GPC5: variants seen among roughly 807,000 people sequenced by gnomAD.
GPC5 encodes glypican-5.
In GPC5, 47 loss-of-function variants were observed where a neutral mutation model predicts 53.9. The observed-to-expected ratio is 0.87, with a 90% CI of 0.69 to 1.11. The LOEUF is 1.11. GPC5 is among the 50% of genes most tolerant of loss of function. The pLI is 0.00. For missense variants in GPC5, 748 were observed against 713.1 expected (o/e 1.05, Z -0.56); for synonymous variants, 286 against 263.3 (o/e 1.09, Z -0.84).
intron 2 of GPC5, among the ~76,000 whole-genome samples, chr13:91,483,572 G>C (rs897915309): frequency 8.5e-5 from 13 of 152,088 alleles, no homozygotes; most frequent in African/African-American, 3.1e-4. Flanking sequence ...CGTGATTTCT[G>C]CTGGGATTGG....
At chr13:91,817,118 G>A (rs2038412015) in intron 5 of GPC5, among the ~76,000 whole-genome samples, 1 of 152,142 alleles carries the variant, frequency 6.6e-6, no homozygotes, top group Admixed American at 6.5e-5. Flanking sequence ...AGGAATGCCA[G>A]TATCACATAC....
intron 6 of GPC5, among the ~76,000 whole-genome samples, chr13:92,017,524 A>G (rs1223882628): frequency 6.6e-6 from 1 of 152,196 alleles, no homozygotes; most frequent in African/African-American, 2.4e-5. Flanking sequence ...TGTTTTATAC[A>G]TAAAGTCCCC....
chr13:92,812,577 C>T (rs932010135), intron 7 of GPC5, among the ~76,000 whole-genome samples: 2 of 151,724 alleles, frequency 1.3e-5, no homozygotes, highest in East Asian at 1.9e-4. Flanking sequence ...ACTTTCATCA[C>T]GTTTATTCAA....
intron 7 of GPC5, among the ~76,000 whole-genome samples, chr13:92,621,213 A>T (rs907417900): frequency 3.3e-5 from 5 of 152,140 alleles, no homozygotes; most frequent in African/African-American, 1.2e-4. Context: ...TGGCTGAGGC[A>T]ACTGTCCAAA....
intron 7 of GPC5, among the ~76,000 whole-genome samples, chr13:92,494,151 G>A (rs1227446578): frequency 6.6e-6 from 1 of 151,600 alleles, no homozygotes; most frequent in South Asian, 2.1e-4. Flanking sequence ...GTGCAGTGGC[G>A]CGATCTCGGC....
At chr13:92,386,010 C>T (rs2139317238) in intron 7 of GPC5, among the ~76,000 whole-genome samples, 1 of 151,718 alleles carries the variant, frequency 6.6e-6, no homozygotes. Flanking sequence ...CATAGAATAT[C>T]CATTGATGGT....
chr13:92,292,192 T>A (rs950794300), intron 7 of GPC5, among the ~76,000 whole-genome samples: 2 of 152,230 alleles, frequency 1.3e-5, no homozygotes, highest in Admixed American at 6.5e-5. Context: ...TTCCTCTAAG[T>A]AGATACCCAG....
chr13:91,733,751 A>G (rs1382734698), intron 4 of GPC5, among the ~76,000 whole-genome samples: 3 of 152,166 alleles, frequency 2.0e-5, no homozygotes, highest in Admixed American at 6.5e-5. Context: ...GGTTTTCTAA[A>G]TATAGAATCA....
At chr13:92,600,207 C>T (rs1189653691) in intron 7 of GPC5, among the ~76,000 whole-genome samples, 1 of 152,134 alleles carries the variant, frequency 6.6e-6, no homozygotes. Flanking sequence ...TCCAACAGTA[C>T]AACCGTAGCA....
chr13:92,411,252 A>G (rs575501882), intron 7 of GPC5, among the ~76,000 whole-genome samples: 1 of 152,200 alleles, frequency 6.6e-6, no homozygotes, highest in Non-Finnish European at 1.5e-5. Flanking sequence ...CCTGGGTGAC[A>G]TAGCGAGACT....
intron 7 of GPC5, among the ~76,000 whole-genome samples, chr13:92,303,275 G>A (rs2043087729): frequency 6.6e-6 from 1 of 152,128 alleles, no homozygotes; most frequent in African/African-American, 2.4e-5. Context: ...AGTCTCCGTG[G>A]TGGTCTAAAG....
intron 7 of GPC5, among the ~76,000 whole-genome samples, chr13:92,635,990 C>T (rs1178629821): frequency 1.3e-5 from 2 of 152,090 alleles, no homozygotes; most frequent in South Asian, 2.1e-4. Flanking sequence ...CCAATAATGG[C>T]GAAGACAAAT....
intron 7 of GPC5, among the ~76,000 whole-genome samples, chr13:92,426,067 G>T (rs945393724): frequency 6.6e-6 from 1 of 151,958 alleles, no homozygotes; most frequent in Non-Finnish European, 1.5e-5. Context: ...AACACTGAAG[G>T]CCTCTGAGAT....
chr13:91,903,054 G>A (rs890203318), intron 5 of GPC5, among the ~76,000 whole-genome samples: 2 of 148,876 alleles, frequency 1.3e-5, no homozygotes, highest in Non-Finnish European at 3.0e-5. Flanking sequence ...AACAAACTTA[G>A]CACTTCTGTG....
intron 7 of GPC5, among the ~76,000 whole-genome samples, chr13:92,825,664 A>T (rs1019936722): frequency 6.6e-6 from 1 of 152,124 alleles, no homozygotes; most frequent in Non-Finnish European, 1.5e-5. Context: ...AGAATTTTAT[A>T]TATGACTTAT....
intron 7 of GPC5, among the ~76,000 whole-genome samples, chr13:92,344,405 G>A (rs553169429): frequency 1.4e-4 from 21 of 152,190 alleles, no homozygotes; most frequent in African/African-American, 4.6e-4. Flanking sequence ...AGATTTGGGC[G>A]GGGACACAGC....
intron 7 of GPC5, among the ~76,000 whole-genome samples, chr13:92,842,409 T>C (rs1015003762): frequency 1.3e-5 from 2 of 152,136 alleles, no homozygotes; most frequent in Admixed American, 6.5e-5. Flanking sequence ...GTTTGTGTCA[T>C]GGCTGGGTAA....
chr13:91,915,598 T>C (rs2039650689), intron 6 of GPC5, among the ~76,000 whole-genome samples: 1 of 152,188 alleles, frequency 6.6e-6, no homozygotes, highest in South Asian at 2.1e-4. Context: ...GGTTTACTGT[T>C]CTTAAAATGT....
chr13:91,610,131 A>G (rs2033503371), intron 2 of GPC5, among the ~76,000 whole-genome samples: 1 of 152,174 alleles, frequency 6.6e-6, no homozygotes, highest in African/African-American at 2.4e-5. Flanking sequence ...TTTATTCAGC[A>G]TTTAATGACA....
Sources: gnomAD v4.1 joint callset for allele counts (sites outside exome capture counted in the v4.1 genomes callset) on GRCh38, gnomAD v4.1.1 for gene constraint, MANE v1.5 for transcripts, NCBI Gene and HGNC (gene_info 2026-07-23, HGNC 2026-07-21) for gene names.